The following BARD1 variants were observed in gnomAD, a reference collection of about 807,000 sequenced individuals.
BARD1 encodes BRCA1-associated RING domain protein 1.
BARD1 carries 73 observed loss-of-function variants against 77.0 expected under a neutral mutation model. That is an observed-to-expected ratio of 0.95 (90% CI 0.79 to 1.15). The LOEUF (loss-of-function observed/expected upper bound fraction) is 1.15. Among genes scored for constraint, BARD1 ranks in the 50% most tolerant of loss-of-function variants. The pLI is 0.00. For synonymous variants in BARD1, 384 were observed against 338.0 expected, an observed-to-expected ratio of 1.14 and a Z score of -1.49; for missense variants, 993 against 938.8, an observed-to-expected ratio of 1.06 and a Z score of -0.75.
At position 214,768,186 on chromosome 2, in the gene BARD1, G is replaced by C. The variant is rs79794638; in HGVS notation, c.1396-532C>G. ...AAAGAGCTTGCTGAATGACAGAAAC[G>C]GCAACAATGGAGTGTTCAAAGATGC... On this transcript the variant is annotated intron_variant, in intron 5 of 10. Coordinates refer to ENST00000260947, the MANE Select transcript of BARD1 (RefSeq NM_000465.4). Among the ~76,000 whole-genome samples the C allele has an allele frequency of 2.9e-4, 44 of 152,252 alleles. No individual in the cohort carries two copies. The East Asian group carries it at 8.1e-3, about 28-fold the overall frequency.
intron 1 of BARD1, 24 bp downstream of exon 1, chr2:214,809,388 A>ACC: frequency 6.2e-7 from 1 of 1,611,744 alleles, no homozygotes; most frequent in Non-Finnish European, 8.5e-7. Context: ...CCTCGCAGCC[A>ACC]CCCCCAAGAA....
At position 214,801,802 on chromosome 2, in the gene BARD1, C is replaced by T. The variant is rs188338952; in HGVS notation, c.159-4685G>A. ...TGCTCTAAAGTTACAAAGAAGAGAG[C>T]ATCTAGTTGGGGTTCTGGGATTCAA... On this transcript the variant is annotated intron_variant, in intron 1 of 10. Coordinates refer to ENST00000260947, the MANE Select transcript of BARD1 (RefSeq NM_000465.4). Among the ~76,000 whole-genome samples, 88 of 140,154 alleles carry T rather than the reference C, an allele frequency of 6.3e-4. No individual in the cohort carries two copies. In the South Asian group the frequency reaches 7.0e-3, roughly 11 times the overall value. 91.9% of individuals were successfully genotyped at this position (140,154 alleles called of 152,430 possible). A position where few individuals can be genotyped will look rare whatever the true frequency, so the allele number is the denominator to read the frequency against.
chr2:214,746,836 A>G (rs1420496103), intron 7 of BARD1, among the ~76,000 whole-genome samples: 2 of 152,130 alleles, frequency 1.3e-5, no homozygotes, highest in African/African-American at 4.8e-5. Flanking sequence ...AATGGCAACA[A>G]AAGCCAAAAT....
At chr2:214,771,222 C>A (rs1694469927) in intron 4 of BARD1, among the ~76,000 whole-genome samples, 1 of 152,102 alleles carries the variant, frequency 6.6e-6, no homozygotes. Context: ...GCAGAGCATA[C>A]TCTCAAAAAA....
At chr2:214,744,952 T>G (rs890381816) in intron 9 of BARD1, 115 bp downstream of exon 9, 10 of 976,956 alleles carry the variant, frequency 1.0e-5, no homozygotes, top group African/African-American at 1.6e-5. Context: ...CAAAATGCAG[T>G]GACTAACCAG....
intron 7 of BARD1, among the ~76,000 whole-genome samples, chr2:214,748,321 G>A (rs1693238156): frequency 6.6e-6 from 1 of 152,074 alleles, no homozygotes; most frequent in African/African-American, 2.4e-5. Context: ...CTGGGGATTT[G>A]ACTTGAATAA....
intron 6 of BARD1, among the ~76,000 whole-genome samples, chr2:214,762,575 A>G (rs1694013080): frequency 6.6e-6 from 1 of 152,204 alleles, no homozygotes; most frequent in African/African-American, 2.4e-5. Flanking sequence ...CAAGAAGTGA[A>G]AGATAAAATC....
At chr2:214,742,813 C>T (rs1389952906) in intron 9 of BARD1, among the ~76,000 whole-genome samples, 1 of 152,200 alleles carries the variant, frequency 6.6e-6, no homozygotes, top group Non-Finnish European at 1.5e-5. Context: ...AATGTCTTAA[C>T]ATTCAAAATT....
intron 9 of BARD1, among the ~76,000 whole-genome samples, chr2:214,744,866 T>G (rs554704815): frequency 1.5e-4 from 23 of 151,902 alleles, no homozygotes; most frequent in Non-Finnish European, 2.5e-4. Context: ...CTCCTGGCCT[T>G]GTGATCCGCC....
intron 9 of BARD1, among the ~76,000 whole-genome samples, chr2:214,732,106 G>T (rs1338520005): frequency 6.6e-6 from 1 of 152,146 alleles, no homozygotes; most frequent in East Asian, 1.9e-4. Context: ...AGACATATAT[G>T]TTGGATATAC....
intron 3 of BARD1, among the ~76,000 whole-genome samples, chr2:214,789,291 G>A (rs1421256443): frequency 6.6e-6 from 1 of 151,896 alleles, no homozygotes; most frequent in Non-Finnish European, 1.5e-5. Flanking sequence ...AGCACTTTGG[G>A]AGGTCGAGGT....
At chr2:214,746,236 A>T (rs1693110276) in intron 7 of BARD1, among the ~76,000 whole-genome samples, 1 of 152,210 alleles carries the variant, frequency 6.6e-6, no homozygotes, top group South Asian at 2.1e-4. Context: ...AGTTAAAATC[A>T]AACTTGTTTA....
At chr2:214,767,759 A>T in intron 5 of BARD1, 105 bp from the exon 6 acceptor site, 1 of 1,063,980 alleles carries the variant, frequency 9.4e-7, no homozygotes. Flanking sequence ...GTCAGGCAGT[A>T]AATTTATTGT....
chr2:214,732,353 T>G (rs770769248), intron 9 of BARD1, among the ~76,000 whole-genome samples: 1 of 152,120 alleles, frequency 6.6e-6, no homozygotes, highest in Non-Finnish European at 1.5e-5. Context: ...AAGATTCAGT[T>G]GTGTATGAGT....
intron 4 of BARD1, among the ~76,000 whole-genome samples, chr2:214,775,302 C>T (rs1362133428): frequency 1.3e-5 from 2 of 152,122 alleles, no homozygotes; most frequent in Admixed American, 6.6e-5. Context: ...ACTCAGAGGA[C>T]ATTGTAGGGT....
In BARD1 at chr2:214,772,239, G is replaced by A. The variant is rs71428346; in HGVS notation, c.1315-2927C>T. Among the ~76,000 whole-genome samples, 564 of 152,248 alleles carry A rather than the reference G, an allele frequency of 3.7e-3. 1 individual carries two copies. Among genetic ancestry groups the A allele is most frequent in the Non-Finnish European group, 6.4e-3 (437 of 68,028 alleles). On this transcript the variant is annotated intron_variant, in intron 4 of 10. Coordinates refer to ENST00000260947, the MANE Select transcript of BARD1 (RefSeq NM_000465.4). Reference sequence around the variant, plus strand: ...CCAAAATTATTGGGATTACAGGTGTGAGCCCCTGCAACTTTTGCTTTATAT... The same window carrying A: ...CCAAAATTATTGGGATTACAGGTGTAAGCCCCTGCAACTTTTGCTTTATAT...
At chr2:214,741,545 AATGC>A (rs1357281335) in intron 9 of BARD1, among the ~76,000 whole-genome samples, 1 of 152,128 alleles carries the variant, frequency 6.6e-6, no homozygotes, top group African/African-American at 2.4e-5. Context: ...TCACCTCTTT[AATGC>A]CAAAATCAAC....
chr2:214,766,537 C>A (rs1694202985), intron 6 of BARD1, among the ~76,000 whole-genome samples: 1 of 152,122 alleles, frequency 6.6e-6, no homozygotes, highest in Non-Finnish European at 1.5e-5. Flanking sequence ...ACAACTGTTT[C>A]TGAATTAAGA....
chr2:214,751,132 TATATATATATATATA>T (rs1693408707), intron 7 of BARD1, among the ~76,000 whole-genome samples: 1 of 29,250 alleles, frequency 3.4e-5, no homozygotes, highest in East Asian at 8.4e-4. Flanking sequence ...TATATATATA[TATATATATATATATA>T]TATATTTTTT....
Sources: gnomAD v4.1 joint callset for allele counts (sites outside exome capture counted in the v4.1 genomes callset) on GRCh38, gnomAD v4.1.1 for gene constraint, MANE v1.5 for transcripts, NCBI Gene and HGNC (gene_info 2026-07-23, HGNC 2026-07-21) for gene names.